Variants in CACNB2 observed in about 807,000 individuals in gnomAD.
The protein encoded by CACNB2 is voltage-dependent L-type calcium channel subunit beta-2.
A neutral mutation model predicts 73.3 loss-of-function variants in CACNB2; 42 were observed. That is an observed-to-expected ratio of 0.57 (90% CI 0.45 to 0.74). The LOEUF (loss-of-function observed/expected upper bound fraction) is 0.74, where lower values mean the gene tolerates loss of function less well. Ranked by LOEUF, CACNB2 falls within the 30% of genes least tolerant of loss-of-function variation. The pLI, the probability that CACNB2 is intolerant of heterozygous loss-of-function variation, is 0.00. For synonymous variants in CACNB2, 348 were observed against 310.3 expected, an observed-to-expected ratio of 1.12 and a Z score of -1.28; for missense variants, 940 against 853.0, an observed-to-expected ratio of 1.10 and a Z score of -1.27.
chr10:18,491,616 C>T (rs184505874), intron 3 of CACNB2, among the ~76,000 whole-genome samples: 11 of 151,836 alleles, frequency 7.2e-5, no homozygotes, highest in African/African-American at 2.2e-4. Flanking sequence ...GCTTCCAGAC[C>T]AAAAGTAACT....
At chr10:18,343,045 G>T (rs2132081855) in intron 2 of CACNB2, among the ~76,000 whole-genome samples, 1 of 152,194 alleles carries the variant, frequency 6.6e-6, no homozygotes, top group South Asian at 2.1e-4. Context: ...AATTCTCATT[G>T]TGCATTAAAA....
chr10:18,322,959 CTTTTTT>C (rs35664294), intron 2 of CACNB2, among the ~76,000 whole-genome samples: 2 of 106,348 alleles, frequency 1.9e-5, no homozygotes. Flanking sequence ...TGGTGATATT[CTTTTTT>C]TTTTTTTTTT....
Position 18,539,897 on chromosome 10 carries a change from C to CTT in CACNB2, c.*177_*178dup. ...ATAGCATGGATAGAGTATTGAGATACTTTTTCTTTTGTAAGTGCTACATAA... is the reference window on the plus strand; with the variant it reads ...ATAGCATGGATAGAGTATTGAGATACTTTTTTTCTTTTGTAAGTGCTACATAA... On this transcript the variant is annotated 3_prime_UTR_variant, in exon 14 of 14. Transcript: ENST00000324631. 4 of 733,544 alleles carry CTT rather than the reference C, an allele frequency of 5.5e-6. No homozygotes were observed. Among genetic ancestry groups the CTT allele is most frequent in the Non-Finnish European group, 6.4e-6 (3 of 466,040 alleles). The allele number at this position is 733,544 out of a possible 1,614,324, so 45.4% of individuals were successfully genotyped here. A position where few individuals can be genotyped will look rare whatever the true frequency, so the allele number is the denominator to read the frequency against.
At chr10:18,483,548 A>G (rs1397840452) in intron 3 of CACNB2, among the ~76,000 whole-genome samples, 2 of 147,366 alleles carry the variant, frequency 1.4e-5, no homozygotes, top group African/African-American at 5.0e-5. Context: ...AAAAAAAAAG[A>G]AAAGAAAAAA....
chr10:18,199,941 C>CTGTGTGTGTGTG (rs141377460), intron 2 of CACNB2, among the ~76,000 whole-genome samples: 2,955 of 136,466 alleles, frequency 0.022, 57 homozygotes, highest in East Asian at 0.035. Context: ...GTATATGAAA[C>CTGTGTGTGTGTG]TGTGTGTGTG....
chr10:18,315,058 G>T (rs984073216), intron 2 of CACNB2, among the ~76,000 whole-genome samples: 1 of 152,114 alleles, frequency 6.6e-6, no homozygotes, highest in Non-Finnish European at 1.5e-5. Flanking sequence ...GGGACCAGGC[G>T]CCATGGCTCA....
intron 3 of CACNB2, among the ~76,000 whole-genome samples, chr10:18,432,450 C>CTGTG (rs57188373): frequency 6.0e-5 from 9 of 150,628 alleles, no homozygotes; most frequent in East Asian, 2.0e-4. Context: ...GTGTGTGTCT[C>CTGTG]TGTGTGTGTG....
chr10:18,279,268 T>G (rs1588921752), intron 2 of CACNB2, among the ~76,000 whole-genome samples: 1 of 152,158 alleles, frequency 6.6e-6, no homozygotes, highest in African/African-American at 2.4e-5. Context: ...CCCCATTTCC[T>G]TTTTTCTCTA....
chr10:18,380,865 C>A (rs753773525), intron 2 of CACNB2, among the ~76,000 whole-genome samples: 10 of 152,078 alleles, frequency 6.6e-5, no homozygotes, highest in Non-Finnish European at 1.5e-4. Flanking sequence ...AACATCCCAA[C>A]TGGGGGATCC....
At chr10:18,158,602 G>C (rs2032226939) in intron 2 of CACNB2, among the ~76,000 whole-genome samples, 1 of 151,894 alleles carries the variant, frequency 6.6e-6, no homozygotes, top group Non-Finnish European at 1.5e-5. Context: ...TTTGTATTTA[G>C]TACTTTGCAC....
chr10:18,260,332 C>G (rs752099719), intron 2 of CACNB2: 197 of 613,444 alleles, frequency 3.2e-4, no homozygotes, highest in Non-Finnish European at 3.8e-4. Context: ...TTTATTATAT[C>G]TAAATCATAG....
chr10:18,419,147 C>T (rs1409140834), intron 3 of CACNB2, among the ~76,000 whole-genome samples: 7 of 152,142 alleles, frequency 4.6e-5, no homozygotes, highest in African/African-American at 7.2e-5. Flanking sequence ...GGAAAGTTAC[C>T]GTGGTTGAAC....
chr10:18,153,520 A>G (rs1259127888), intron 2 of CACNB2, among the ~76,000 whole-genome samples: 2 of 151,930 alleles, frequency 1.3e-5, no homozygotes, highest in African/African-American at 4.8e-5. Flanking sequence ...GAGTGTTTGC[A>G]GGAATGCATG....
At chr10:18,317,542 A>G (rs867590054) in intron 2 of CACNB2, among the ~76,000 whole-genome samples, 2 of 152,218 alleles carry the variant, frequency 1.3e-5, no homozygotes, top group Non-Finnish European at 2.9e-5. Context: ...AGCTGCATCC[A>G]TGTGGCTGCA....
intron 3 of CACNB2, among the ~76,000 whole-genome samples, chr10:18,407,109 C>CTTTTTTGTTTTT (rs2044333624): frequency 5.6e-5 from 2 of 35,572 alleles, no homozygotes; most frequent in African/African-American, 2.2e-4. Flanking sequence ...GCTGTTCTGT[C>CTTTTTTGTTTTT]TTTTTTTTTT....
intron 2 of CACNB2, among the ~76,000 whole-genome samples, chr10:18,300,488 C>T (rs1378900212): frequency 6.6e-6 from 1 of 152,210 alleles, no homozygotes; most frequent in Non-Finnish European, 1.5e-5. Flanking sequence ...AATACTATCA[C>T]CTTGTCTAAA....
chr10:18,399,031 T>A (rs955931169), intron 2 of CACNB2, among the ~76,000 whole-genome samples: 13 of 152,170 alleles, frequency 8.5e-5, no homozygotes, highest in Admixed American at 7.9e-4. Context: ...CACAAAATTA[T>A]GTGTGGGTGT....
At chr10:18,398,283 T>A (rs1589239201) in intron 2 of CACNB2, among the ~76,000 whole-genome samples, 1 of 152,332 alleles carries the variant, frequency 6.6e-6, no homozygotes, top group East Asian at 1.9e-4. Context: ...TGCTACTATT[T>A]AACTGTGGCT....
intron 3 of CACNB2, among the ~76,000 whole-genome samples, chr10:18,448,812 G>A (rs2132590341): frequency 6.6e-6 from 1 of 152,264 alleles, no homozygotes; most frequent in African/African-American, 2.4e-5. Flanking sequence ...AAGAAGAAAG[G>A]GTGAATAAAA....
Sources: allele counts gnomAD v4.1 joint callset (sites outside exome capture counted in the v4.1 genomes callset), GRCh38; gene constraint gnomAD v4.1.1; transcripts MANE v1.5; gene names NCBI Gene and HGNC (gene_info 2026-07-23, HGNC 2026-07-21).